CAMKMT: variants seen among roughly 807,000 people sequenced by gnomAD.
CAMKMT encodes CaM KMT.
In CAMKMT, 53 loss-of-function variants were observed where a neutral mutation model predicts 48.0. The ratio of observed to expected loss-of-function variants is 1.10; its 90% CI spans 0.89 to 1.39. CAMKMT has a LOEUF of 1.39. CAMKMT is among the 40% of genes most tolerant of loss of function. CAMKMT has a pLI of 0.00. For synonymous variants in CAMKMT, 165 were observed against 152.3 expected (o/e 1.08, Z -0.61); for missense variants, 428 against 402.7 (o/e 1.06, Z -0.54).
intron 1 of CAMKMT, among the ~76,000 whole-genome samples, chr2:44,367,084 T>C (rs1462168388): frequency 1.3e-5 from 2 of 152,166 alleles, no homozygotes; most frequent in African/African-American, 2.4e-5. Flanking sequence ...GATAAGGTTT[T>C]CTGGTTTTTA....
chr2:44,442,185 G>T (rs1454455784), intron 3 of CAMKMT, among the ~76,000 whole-genome samples: 4 of 152,126 alleles, frequency 2.6e-5, no homozygotes, highest in Non-Finnish European at 5.9e-5. Flanking sequence ...GCTTAGATAA[G>T]GTGAATGAAA....
intron 3 of CAMKMT, among the ~76,000 whole-genome samples, chr2:44,581,617 A>G (rs1166135930): frequency 6.6e-6 from 1 of 152,260 alleles, no homozygotes. Context: ...TCCAAAGCCC[A>G]AGGTCTAACA....
At chr2:44,566,614 G>A (rs923977295) in intron 3 of CAMKMT, among the ~76,000 whole-genome samples, 2 of 151,934 alleles carry the variant, frequency 1.3e-5, no homozygotes, top group African/African-American at 4.8e-5. Context: ...CTTTGCCACA[G>A]CAGCAAAAAA....
intron 3 of CAMKMT, among the ~76,000 whole-genome samples, chr2:44,680,278 G>A (rs949622793): frequency 1.3e-5 from 2 of 152,194 alleles, no homozygotes; most frequent in African/African-American, 4.8e-5. Flanking sequence ...GTCAGTGCTA[G>A]CCATGGCAGC....
At chr2:44,480,392 A>G (rs1463645401) in intron 3 of CAMKMT, among the ~76,000 whole-genome samples, 2 of 152,202 alleles carry the variant, frequency 1.3e-5, no homozygotes, top group Non-Finnish European at 1.5e-5. Context: ...CGGTCAAGTG[A>G]ACATTAAAAA....
intron 3 of CAMKMT, among the ~76,000 whole-genome samples, chr2:44,617,888 G>A (rs767285907): frequency 2.0e-5 from 3 of 152,158 alleles, no homozygotes; most frequent in Non-Finnish European, 4.4e-5. Flanking sequence ...CGCAGGCAAC[G>A]AATAAATGAG....
At chr2:44,703,350 G>T (rs1295002084) in intron 3 of CAMKMT, among the ~76,000 whole-genome samples, 2 of 152,094 alleles carry the variant, frequency 1.3e-5, no homozygotes, top group African/African-American at 4.8e-5. Flanking sequence ...AGTGATTTAT[G>T]GATGACAATT....
In CAMKMT at chr2:44,766,489, A is replaced by AT; in HGVS notation, c.822_823insT (p.Ala275CysfsTer2). ...ATACTTTAAACCAGTTTTGCAATCT[A>AT]GCTGAAAAAGCTGGTTTCTGTATCC... On this transcript the variant is annotated frameshift_variant, in exon 10 of 11. Coordinates refer to ENST00000378494, the MANE Select transcript of CAMKMT (RefSeq NM_024766.5). LOFTEE classifies it high-confidence loss of function. The AT allele has an allele frequency of 6.2e-7, 1 of 1,614,174 alleles. No homozygotes were observed. The highest frequency in any genetic ancestry group is 8.5e-7 in the Non-Finnish European group (1 of 1,180,008).
At chr2:44,388,921 C>A (rs1247294436) in intron 2 of CAMKMT, among the ~76,000 whole-genome samples, 4 of 151,960 alleles carry the variant, frequency 2.6e-5, no homozygotes. Flanking sequence ...GTGGGGGGTA[C>A]AATGGAGTCC....
intron 2 of CAMKMT, among the ~76,000 whole-genome samples, chr2:44,375,708 A>C (rs1388515912): frequency 1.3e-5 from 2 of 152,166 alleles, no homozygotes; most frequent in East Asian, 3.9e-4. Context: ...GAGGCTACTG[A>C]GAAGAGGCCA....
chr2:44,458,510 C>T (rs979911019), intron 3 of CAMKMT, among the ~76,000 whole-genome samples: 4 of 152,188 alleles, frequency 2.6e-5, no homozygotes, highest in Non-Finnish European at 5.9e-5. Context: ...CTTCTTTATT[C>T]GCCATTCTGC....
At chr2:44,474,930 A>G (rs1056003930) in intron 3 of CAMKMT, among the ~76,000 whole-genome samples, 1 of 152,232 alleles carries the variant, frequency 6.6e-6, no homozygotes, top group Non-Finnish European at 1.5e-5. Context: ...AATATTTATG[A>G]CATTCATCGT....
At chr2:44,460,384 G>A (rs1392376752) in intron 3 of CAMKMT, among the ~76,000 whole-genome samples, 1 of 152,114 alleles carries the variant, frequency 6.6e-6, no homozygotes, top group Non-Finnish European at 1.5e-5. Flanking sequence ...AAGTGTCTTG[G>A]GGATATGAAA....
chr2:44,460,815 C>G (rs1667810599), intron 3 of CAMKMT, among the ~76,000 whole-genome samples: 1 of 150,918 alleles, frequency 6.6e-6, no homozygotes, highest in South Asian at 2.1e-4. Flanking sequence ...CTCCACTTCC[C>G]AGGTTCACAC....
intron 2 of CAMKMT, among the ~76,000 whole-genome samples, chr2:44,386,045 A>T (rs1680750182): frequency 1.3e-5 from 2 of 152,046 alleles, no homozygotes; most frequent in African/African-American, 2.4e-5. Flanking sequence ...TGTTAAAAGG[A>T]TTGGTACCAA....
chr2:44,459,484 G>T (rs1667742736), intron 3 of CAMKMT, among the ~76,000 whole-genome samples: 2 of 152,126 alleles, frequency 1.3e-5, no homozygotes, highest in South Asian at 4.1e-4. Flanking sequence ...TTATTTTAGT[G>T]TGTGTTCTGT....
chr2:44,645,453 GGAGAGGTTTTA>G (rs1251691302), intron 3 of CAMKMT, among the ~76,000 whole-genome samples: 14 of 152,132 alleles, frequency 9.2e-5, no homozygotes, highest in African/African-American at 3.4e-4. Context: ...AGGAAGTTTT[GGAGAGGTTTTA>G]GAATGGCAGG....
At chr2:44,517,678 C>T (rs912807561) in intron 3 of CAMKMT, among the ~76,000 whole-genome samples, 2 of 152,078 alleles carry the variant, frequency 1.3e-5, no homozygotes, top group Admixed American at 1.3e-4. Flanking sequence ...AAGTTACAGG[C>T]CAAATTGGTA....
At chr2:44,594,534 C>G (rs1055764924) in intron 3 of CAMKMT, among the ~76,000 whole-genome samples, 3 of 152,180 alleles carry the variant, frequency 2.0e-5, no homozygotes, top group Non-Finnish European at 4.4e-5. Flanking sequence ...TGATCTTTGA[C>G]AAACCTGACA....
Sources: allele counts gnomAD v4.1 joint callset (sites outside exome capture counted in the v4.1 genomes callset), GRCh38; gene constraint gnomAD v4.1.1; transcripts MANE v1.5; gene names NCBI Gene and HGNC (gene_info 2026-07-23, HGNC 2026-07-21).